The following PLOD1 variants were observed in gnomAD, a reference collection of about 807,000 sequenced individuals.
PLOD1 encodes procollagen-lysine,2-oxoglutarate 5-dioxygenase 1.
A neutral mutation model predicts 94.7 loss-of-function variants in PLOD1; 70 were observed. That is an observed-to-expected ratio of 0.74 (90% CI 0.61 to 0.90). The LOEUF is 0.90. PLOD1 is among the 40% of genes least tolerant of loss of function. The pLI is 0.00. For synonymous variants in PLOD1, 417 were observed against 400.2 expected, an observed-to-expected ratio of 1.04 and a Z score of -0.50; for missense variants, 905 against 972.7, an observed-to-expected ratio of 0.93 and a Z score of 0.93.
chr1:11,944,816 AC>A (rs985446157), intron 1 of PLOD1, among the ~76,000 whole-genome samples: 27 of 151,456 alleles, frequency 1.8e-4, no homozygotes, highest in Admixed American at 1.5e-3. Context: ...TGCCCCAGCT[AC>A]CCCTGCCCCG....
chr1:11,949,958 AT>A (rs1296798699), intron 3 of PLOD1, 52 bp downstream of exon 3: 1 of 1,585,732 alleles, frequency 6.3e-7, no homozygotes, highest in Non-Finnish European at 8.7e-7. Flanking sequence ...AGATAGAAGA[AT>A]ATTCTAAAAT....
At position 11,975,138 on chromosome 1, in the gene PLOD1, T is replaced by C. The variant is rs998127707; in HGVS notation, c.*330T>C. On this transcript the variant is annotated 3_prime_UTR_variant, in exon 19 of 19. Transcript: ENST00000196061. ...CCCCACCTCTTCCATGGGGTGAGACTTGAGCAGAACAGGGGCTTCCCCAAG... is the reference window on the plus strand; with the variant it reads ...CCCCACCTCTTCCATGGGGTGAGACCTGAGCAGAACAGGGGCTTCCCCAAG... 28 of 412,340 alleles carry C rather than the reference T, an allele frequency of 6.8e-5. No individual in the cohort carries two copies. Among genetic ancestry groups the C allele is most frequent in the East Asian group, 1.6e-4 (3 of 18,254 alleles). 25.5% of individuals were successfully genotyped at this position (412,340 alleles called of 1,614,324 possible).
rs921104010 is a variant in PLOD1, at chr1:11,944,572, C to T, written c.77-3404C>T. 7 of 1,357,752 alleles carry T rather than the reference C, an allele frequency of 5.2e-6. No individual in the cohort carries two copies. The African/African-American group carries it at 1.0e-4, about 20-fold the overall frequency. 84.1% of individuals were successfully genotyped at this position (1,357,752 alleles called of 1,614,324 possible). ...AGCTGGTGGCTCTGGTTCTCTTCACCTGGGGAGAGACTTCACCGTCCTGGC... is the reference window on the plus strand; with the variant it reads ...AGCTGGTGGCTCTGGTTCTCTTCACTTGGGGAGAGACTTCACCGTCCTGGC... On this transcript the variant is annotated intron_variant, in intron 1 of 18. Coordinates refer to ENST00000196061, the MANE Select transcript of PLOD1 (RefSeq NM_000302.4).
chr1:11,974,493 A>T (rs1557502590), intron 18 of PLOD1, among the ~76,000 whole-genome samples, 160 bp from the exon 19 acceptor site: 1 of 152,082 alleles, frequency 6.6e-6, no homozygotes, highest in Admixed American at 6.6e-5. Flanking sequence ...ACTACTCTTC[A>T]TTTAGTGTCT....
Position 11,953,571 on chromosome 1 carries a change from C to G in PLOD1, c.579+836C>G, listed in dbSNP as rs530663822. ...ACTTTGGAGGCCAAAGCGGGTGGAT[C>G]ACCTGAGGTCAGGAGTTTGAGACCA... is the stretch of plus-strand genomic sequence containing the variant. On this transcript the variant is annotated intron_variant, in intron 5 of 18. Coordinates refer to ENST00000196061, the MANE Select transcript of PLOD1 (RefSeq NM_000302.4). Among the ~76,000 whole-genome samples the G allele has an allele frequency of 3.6e-4, 54 of 151,722 alleles. No individual in the cohort carries two copies. In the South Asian group the frequency reaches 0.011, roughly 31 times the overall value.
At chr1:11,969,629 T>G (rs113122267) in intron 16 of PLOD1, among the ~76,000 whole-genome samples, 1 of 152,298 alleles carries the variant, frequency 6.6e-6, no homozygotes, top group Non-Finnish European at 1.5e-5. Context: ...ATCTCCTGGT[T>G]TCTGTGGGTC....
rs1557478570 is a variant in PLOD1, at chr1:11,934,859, A to G, written c.76+4A>G. 2 of 1,536,598 alleles carry G rather than the reference A, an allele frequency of 1.3e-6. No individual in the cohort carries two copies. Among genetic ancestry groups the G allele is most frequent in the Non-Finnish European group, 1.7e-6 (2 of 1,144,814 alleles). On this transcript the variant is annotated splice_donor_region_variant and intron_variant, in intron 1 of 18. Transcript: ENST00000196061. ...AAGGGCGACGCCAAGCCGGAGGGTG[A>G]GGGAGCGAAGGCCGGGGGCGGGAGC...
Position 11,958,756 on chromosome 1 carries a change from C to A in PLOD1, c.975+109C>A. The A allele has an allele frequency of 7.7e-7, 1 of 1,294,942 alleles. No individual in the cohort carries two copies. The highest frequency in any genetic ancestry group is 1.1e-6 in the Non-Finnish European group (1 of 913,652). The allele number at this position is 1,294,942 out of a possible 1,614,324, so 80.2% of individuals were successfully genotyped here. A position where few individuals can be genotyped will look rare whatever the true frequency, so the allele number is the denominator to read the frequency against. ...TCTCACCGAATCTAGCTTATCTGGGCCAAATGACAATCACCAGTGGACTGT... is the reference window on the plus strand; with the variant it reads ...TCTCACCGAATCTAGCTTATCTGGGACAAATGACAATCACCAGTGGACTGT... On this transcript the variant is annotated intron_variant, in intron 9 of 18. Transcript: ENST00000196061. This position sits in a 1 kb window ranked among gnomAD's most constrained non-coding sequence, Gnocchi z 4.3.
Position 11,975,336 on chromosome 1 carries a change from G to A in PLOD1, c.*528G>A, listed in dbSNP as rs886045215. ...CCATGGCTGGTCATGAGAGCAAACC[G>A]TAGTCCCCTGGAGACAGCGACTCCA... On this transcript the variant is annotated 3_prime_UTR_variant, in exon 19 of 19. Coordinates refer to ENST00000196061, the MANE Select transcript of PLOD1 (RefSeq NM_000302.4). 9.2e-5 allele frequency: 21 copies of A among 228,526 alleles called. No individual in the cohort carries two copies. The highest frequency in any genetic ancestry group is 1.4e-4 in the Non-Finnish European group (16 of 114,122). 14.2% of individuals were successfully genotyped at this position (228,526 alleles called of 1,614,324 possible). A position where few individuals can be genotyped will look rare whatever the true frequency, so the allele number is the denominator to read the frequency against.
Position 11,970,766 on chromosome 1 carries a change from G to C in PLOD1, c.1852G>C (p.Glu618Gln). Reference protein sequence around the residue: ...FEREWHKFLLEYIAPMTEKLY... With the variant: ...FEREWHKFLLQYIAPMTEKLY... ...GCGGGAGTGGCACAAATTCCTGCTGGAGTACATTGCGCCCATGACGGAGAA... is the reference window on the plus strand; with the variant it reads ...GCGGGAGTGGCACAAATTCCTGCTGCAGTACATTGCGCCCATGACGGAGAA... Residue 618 changes from glutamate (E) to glutamine (Q), a missense_variant, in exon 17 of 19, where the codon GAG (glutamate) becomes CAG (glutamine). Coordinates refer to ENST00000196061, the MANE Select transcript of PLOD1 (RefSeq NM_000302.4). 2 of 1,611,446 alleles carry C rather than the reference G, an allele frequency of 1.2e-6. No homozygotes were observed. Among genetic ancestry groups the C allele is most frequent in the Non-Finnish European group, 1.7e-6 (2 of 1,179,630 alleles).
chr1:11,956,843 G>C, intron 6 of PLOD1, 74 bp from the exon 7 acceptor site: 2 of 938,818 alleles, frequency 2.1e-6, no homozygotes, highest in Non-Finnish European at 3.5e-6. Flanking sequence ...GCTGGGATTT[G>C]AGCCCAGCTG....
At chr1:11,941,875 G>C (rs1645617742) in intron 1 of PLOD1, among the ~76,000 whole-genome samples, 1 of 152,210 alleles carries the variant, frequency 6.6e-6, no homozygotes, top group South Asian at 2.1e-4. Flanking sequence ...GTAGAGACGG[G>C]GTTTTGCCAT....
Position 11,973,138 on chromosome 1 carries a change from T to TGGGA in PLOD1, c.2028+145_2028+148dup. On this transcript the variant is annotated intron_variant, in intron 18 of 18. Transcript: ENST00000196061. ...CCAGAAAAAAAAGGATGTGGGTCTGTGGGAGGGCTTCCTGGAAGGGTTCAC... is the reference window on the plus strand; with the variant it reads ...CCAGAAAAAAAAGGATGTGGGTCTGTGGGAGGGAGGGCTTCCTGGAAGGGTTCAC... 3 of 835,232 alleles carry TGGGA rather than the reference T, an allele frequency of 3.6e-6. 1 individual carries two copies. The South Asian group carries it at 4.6e-5, about 13-fold the overall frequency. 51.7% of individuals were successfully genotyped at this position (835,232 alleles called of 1,614,324 possible).
chr1:11,970,842 G>T, intron 17 of PLOD1, 26 bp downstream of exon 17: 1 of 1,440,142 alleles, frequency 6.9e-7, no homozygotes, highest in Non-Finnish European at 9.3e-7. Context: ...GCATAGCCAG[G>T]ATGCGGGGAC....
At chr1:11,960,521 C>T in intron 9 of PLOD1, 125 bp from the exon 10 acceptor site, 1 of 752,166 alleles carries the variant, frequency 1.3e-6, no homozygotes, top group South Asian at 1.5e-5. Context: ...GACAGGAAAG[C>T]AGATGGCCGG....
chr1:11,949,977 T>G, intron 3 of PLOD1, 71 bp downstream of exon 3: 1 of 1,501,918 alleles, frequency 6.7e-7, no homozygotes, highest in South Asian at 1.1e-5. Flanking sequence ...AATGAGGCCC[T>G]CCCAGAACAT....
At chr1:11,951,840 A>G (rs1397891566) in intron 4 of PLOD1, among the ~76,000 whole-genome samples, 1 of 151,612 alleles carries the variant, frequency 6.6e-6, no homozygotes, top group Non-Finnish European at 1.5e-5. Context: ...AATGGCATGA[A>G]CCCGGGAGGC....
intron 1 of PLOD1, among the ~76,000 whole-genome samples, chr1:11,940,786 C>CG (rs1262044891): frequency 1.3e-5 from 2 of 152,176 alleles, no homozygotes; most frequent in African/African-American, 4.8e-5. Context: ...CCTTGGTACT[C>CG]GAAAATGAAT....
At chr1:11,969,473 G>A (rs2100763498) in intron 16 of PLOD1, among the ~76,000 whole-genome samples, 1 of 152,330 alleles carries the variant, frequency 6.6e-6, no homozygotes, top group Middle Eastern at 3.4e-3. Flanking sequence ...GCCAGGAACT[G>A]GACTAGCCCG....
Sources: gnomAD v4.1 joint callset for allele counts (sites outside exome capture counted in the v4.1 genomes callset) on GRCh38, gnomAD v4.1.1 for gene constraint, Gnocchi (gnomAD v3.1) non-coding constraint, MANE v1.5 for transcripts, NCBI Gene and HGNC (gene_info 2026-07-23, HGNC 2026-07-21) for gene names.